KIF2A: variants seen among roughly 807,000 people sequenced by gnomAD.
KIF2A encodes kinesin-like protein KIF2A.
In KIF2A, 22 loss-of-function variants were observed where a neutral mutation model predicts 100.2. The observed-to-expected ratio is 0.22, with a 90% CI of 0.16 to 0.31. The LOEUF is 0.31. KIF2A is among the 10% of genes least tolerant of loss of function. KIF2A has a pLI of 1.00. For missense variants in KIF2A, 495 were observed against 898.7 expected, an observed-to-expected ratio of 0.55 and a Z score of 5.74; for synonymous variants, 268 against 285.9, an observed-to-expected ratio of 0.94 and a Z score of 0.63.
At chr5:62,306,916 C>T (rs1049734659) in intron 1 of KIF2A, 20 of 204,432 alleles carry the variant, frequency 9.8e-5, no homozygotes, top group Non-Finnish European at 5.9e-5. Context: ...CTCGCGCTTC[C>T]CCTTGGTCTT....
chr5:62,308,416 A>C, intron 1 of KIF2A: 5 of 1,209,530 alleles, frequency 4.1e-6, no homozygotes, highest in Non-Finnish European at 5.9e-6. Context: ...AGGGAGAGGA[A>C]ATCACCACCT....
At chr5:62,318,216 G>A (rs1745921208) in intron 1 of KIF2A, among the ~76,000 whole-genome samples, 1 of 152,056 alleles carries the variant, frequency 6.6e-6, no homozygotes, top group African/African-American at 2.4e-5. Context: ...CTCAGTAGCT[G>A]GGATTACAGG....
chr5:62,355,511 G>A (rs1374481655), intron 7 of KIF2A, among the ~76,000 whole-genome samples: 1 of 152,158 alleles, frequency 6.6e-6, no homozygotes, highest in Non-Finnish European at 1.5e-5. Context: ...GGAGGGCAAA[G>A]CAACACTTAA....
At chr5:62,314,996 C>G (rs574597027) in intron 1 of KIF2A, among the ~76,000 whole-genome samples, 48 of 151,980 alleles carry the variant, frequency 3.2e-4, no homozygotes, top group African/African-American at 1.1e-3. Flanking sequence ...CTCCTGACCT[C>G]AAGTGATCCA....
chr5:62,318,817 G>A (rs1580003636), intron 1 of KIF2A, among the ~76,000 whole-genome samples: 1 of 152,036 alleles, frequency 6.6e-6, no homozygotes, highest in South Asian at 2.1e-4. Context: ...TGTACTGTTC[G>A]TATATGTCAT....
At chr5:62,354,177 A>G (rs1347336457) in intron 6 of KIF2A, among the ~76,000 whole-genome samples, 2 of 152,136 alleles carry the variant, frequency 1.3e-5, no homozygotes, top group African/African-American at 2.4e-5. Context: ...GTGACCTGAG[A>G]ATGACCAGTT....
intron 16 of KIF2A, among the ~76,000 whole-genome samples, chr5:62,371,551 T>G (rs2111980991): frequency 6.6e-6 from 1 of 152,350 alleles, no homozygotes; most frequent in South Asian, 2.1e-4. Context: ...TACTCAGGGC[T>G]AGGTTTTAAC....
intron 1 of KIF2A, among the ~76,000 whole-genome samples, chr5:62,346,475 C>T (rs772642618): frequency 1.1e-4 from 17 of 151,620 alleles, no homozygotes; most frequent in Admixed American, 1.1e-3. Context: ...CACAGTAGCT[C>T]ATGCCGGTAA....
At chr5:62,362,584 T>A in intron 12 of KIF2A, 43 bp downstream of exon 12, 1 of 864,892 alleles carries the variant, frequency 1.2e-6, no homozygotes, top group Non-Finnish European at 1.7e-6. Flanking sequence ...AAAATATATA[T>A]ATAACATAAC....
rs769299891 is a variant in KIF2A, at chr5:62,322,003, C to T, written c.64+15467C>T. ...TGGCATGATCATAACTCATTGCAGC[C>T]TTACCTCCCAGGCCCAAGTGCTTCT... On this transcript the variant is annotated intron_variant, in intron 1 of 20. Coordinates refer to ENST00000407818, the MANE Select transcript of KIF2A (RefSeq NM_001098511.3). 3.9e-5 allele frequency among the ~76,000 whole-genome samples: 6 copies of T among 152,164 alleles called. No homozygotes were observed. The South Asian group carries it at 6.2e-4, about 16-fold the overall frequency.
chr5:62,316,107 G>C (rs1465053036), intron 1 of KIF2A, among the ~76,000 whole-genome samples: 1 of 152,176 alleles, frequency 6.6e-6, no homozygotes, highest in East Asian at 1.9e-4. Flanking sequence ...TCCAACTCAG[G>C]CTGCATATAG....
intron 1 of KIF2A, among the ~76,000 whole-genome samples, chr5:62,338,559 G>A (rs1017700687): frequency 3.3e-5 from 5 of 151,894 alleles, no homozygotes; most frequent in Non-Finnish European, 5.9e-5. Flanking sequence ...CACAGTGCTG[G>A]GATTACAGGC....
intron 1 of KIF2A, among the ~76,000 whole-genome samples, chr5:62,315,317 G>C (rs1332532989): frequency 6.7e-6 from 1 of 149,128 alleles, no homozygotes; most frequent in Non-Finnish European, 1.5e-5. Flanking sequence ...TAGAGATTCT[G>C]TCTGGTATGT....
At chr5:62,347,583 G>T (rs1181406693) in intron 2 of KIF2A, among the ~76,000 whole-genome samples, 1 of 151,956 alleles carries the variant, frequency 6.6e-6, no homozygotes, top group Admixed American at 6.6e-5. Context: ...TAAATTTGTG[G>T]ATTATAATTC....
At chr5:62,375,476 A>G (rs1741497953) in intron 18 of KIF2A, among the ~76,000 whole-genome samples, 1 of 152,214 alleles carries the variant, frequency 6.6e-6, no homozygotes, top group African/African-American at 2.4e-5. Context: ...TTTGACCAAG[A>G]TTTTACAAGT....
chr5:62,386,783 T>C lies in KIF2A; in HGVS notation c.*1214T>C, dbSNP rs1742049676. On this transcript the variant is annotated 3_prime_UTR_variant, in exon 21 of 21. Coordinates refer to ENST00000407818, the MANE Select transcript of KIF2A (RefSeq NM_001098511.3). ...TAATACATTGGTATGGTGTAGGGCA[T>C]GCTACTTTTTAAACAGCAGCACTTA... 6.6e-6 allele frequency among the ~76,000 whole-genome samples: 1 copy of C among 152,238 alleles called. No homozygotes were observed. Among genetic ancestry groups the C allele is most frequent in the Non-Finnish European group, 1.5e-5 (1 of 68,034 alleles).
Position 62,387,857 on chromosome 5 carries a change from T to C in KIF2A, c.*2288T>C, listed in dbSNP as rs1742111661. The C allele has an allele frequency of 1.3e-5, 2 of 152,114 alleles. No individual in the cohort carries two copies. Among genetic ancestry groups the C allele is most frequent in the Non-Finnish European group, 2.9e-5 (2 of 67,994 alleles). The allele number at this position is 152,114 out of a possible 1,614,324, so 9.4% of individuals were successfully genotyped here. Reference sequence around the variant, plus strand: ...GCATTATTTTAATTATGTAGTAACATTTACTATGACTTTGAAGCCAGATTT... The same window carrying C: ...GCATTATTTTAATTATGTAGTAACACTTACTATGACTTTGAAGCCAGATTT... On this transcript the variant is annotated 3_prime_UTR_variant, in exon 21 of 21. Coordinates refer to ENST00000407818, the MANE Select transcript of KIF2A (RefSeq NM_001098511.3).
At chr5:62,366,775 G>T (rs796426745) in intron 16 of KIF2A, among the ~76,000 whole-genome samples, 2 of 150,818 alleles carry the variant, frequency 1.3e-5, no homozygotes, top group African/African-American at 2.4e-5. Flanking sequence ...AGCTTGCAGT[G>T]AGCCGAGATC....
intron 20 of KIF2A, among the ~76,000 whole-genome samples, chr5:62,382,649 T>C (rs1468815463): frequency 6.6e-6 from 1 of 151,808 alleles, no homozygotes; most frequent in African/African-American, 2.4e-5. Flanking sequence ...TTTTTTTTTT[T>C]TGTCATGGAG....
Sources: gnomAD v4.1 joint callset for allele counts (sites outside exome capture counted in the v4.1 genomes callset) on GRCh38, gnomAD v4.1.1 for gene constraint, MANE v1.5 for transcripts, NCBI Gene and HGNC (gene_info 2026-07-23, HGNC 2026-07-21) for gene names.